Variants in EYS observed in about 807,000 individuals in gnomAD.
The protein encoded by EYS is EGF-like photoreceptor maintenance factor.
EYS carries 250 observed loss-of-function variants against 282.1 expected under a neutral mutation model. The ratio of observed to expected loss-of-function variants is 0.89; its 90% CI spans 0.80 to 0.98. The LOEUF (loss-of-function observed/expected upper bound fraction) is 0.98. EYS is among the 50% of genes least tolerant of loss of function. The pLI, the probability that EYS is intolerant of heterozygous loss-of-function variation, is 0.00. For missense variants in EYS, 4,016 were observed against 3,709.0 expected, an observed-to-expected ratio of 1.08 and a Z score of -2.15; for synonymous variants, 1,355 against 1,282.9, an observed-to-expected ratio of 1.06 and a Z score of -1.20.
chr6:65,114,362 AAAAGC>A (rs57602200), intron 12 of EYS, among the ~76,000 whole-genome samples: 37,495 of 148,572 alleles, frequency 0.25, 5,931 homozygotes, highest in African/African-American at 0.43. Flanking sequence ...TGAAAAAAAA[AAAAGC>A]AGCAGCAGCA....
intron 13 of EYS, among the ~76,000 whole-genome samples, chr6:65,010,898 G>A (rs956328421): frequency 6.6e-6 from 1 of 152,178 alleles, no homozygotes; most frequent in Admixed American, 6.5e-5. Context: ...TAAAGAGGTG[G>A]CTGTCTTACA....
At chr6:65,493,283 G>C (rs1766116447) in intron 4 of EYS, among the ~76,000 whole-genome samples, 1 of 152,122 alleles carries the variant, frequency 6.6e-6, no homozygotes, top group African/African-American at 2.4e-5. Context: ...AGGCACAGGG[G>C]AGAAGGAATC....
intron 39 of EYS, among the ~76,000 whole-genome samples, chr6:63,783,931 T>C (rs776693581): frequency 1.3e-4 from 20 of 152,098 alleles, no homozygotes; most frequent in Non-Finnish European, 8.8e-5. Context: ...ATAAACTGGG[T>C]AAAGCAGATT....
At chr6:64,934,135 T>C (rs878893947) in intron 15 of EYS, among the ~76,000 whole-genome samples, 7 of 144,524 alleles carry the variant, frequency 4.8e-5, no homozygotes, top group African/African-American at 1.5e-4. Flanking sequence ...TAAAGTATAT[T>C]AAAAAAAAAA....
intron 13 of EYS, among the ~76,000 whole-genome samples, chr6:65,025,395 A>G (rs1772377650): frequency 6.6e-6 from 1 of 152,250 alleles, no homozygotes. Flanking sequence ...AATGGATTTT[A>G]GTGAATGTAT....
intron 28 of EYS, among the ~76,000 whole-genome samples, chr6:64,404,539 A>G (rs1773646161): frequency 1.3e-5 from 2 of 152,186 alleles, no homozygotes. Flanking sequence ...TATTTCTCAG[A>G]TAGGTATTTT....
At chr6:63,806,714 C>G (rs1254671053) in intron 36 of EYS, 1 of 162,854 alleles carries the variant, frequency 6.1e-6, no homozygotes, top group Admixed American at 6.4e-5. Context: ...TACTCAGGTG[C>G]CTCGTAAACA....
intron 12 of EYS, among the ~76,000 whole-genome samples, chr6:65,193,681 A>T (rs967206906): frequency 1.3e-5 from 2 of 151,662 alleles, no homozygotes; most frequent in Non-Finnish European, 2.9e-5. Flanking sequence ...TTCGTAAGGA[A>T]CAAAAATCTC....
At chr6:65,668,045 A>T (rs1012113786) in intron 1 of EYS, among the ~76,000 whole-genome samples, 2 of 151,820 alleles carry the variant, frequency 1.3e-5, no homozygotes, top group Non-Finnish European at 3.0e-5. Context: ...CACAAAGCCA[A>T]TTCATCATGA....
At chr6:65,318,711 C>T (rs28602178) in intron 11 of EYS, among the ~76,000 whole-genome samples, 1 of 134,334 alleles carries the variant, frequency 7.4e-6, no homozygotes, top group East Asian at 2.4e-4. Context: ...GCACGATCTC[C>T]ACTCATTGCA....
intron 29 of EYS, among the ~76,000 whole-genome samples, chr6:64,334,097 C>T (rs1396717023): frequency 6.6e-6 from 1 of 152,126 alleles, no homozygotes; most frequent in Non-Finnish European, 1.5e-5. Flanking sequence ...TTTGAAGAAT[C>T]CAAGAACATA....
chr6:63,857,939 A>C (rs146680492), intron 36 of EYS, among the ~76,000 whole-genome samples: 2,946 of 152,214 alleles, frequency 0.019, 36 homozygotes, highest in Non-Finnish European at 0.033. Flanking sequence ...GCAGAACACC[A>C]TTGGCTAGAT....
intron 31 of EYS, among the ~76,000 whole-genome samples, chr6:64,180,336 C>T (rs1764753692): frequency 1.3e-5 from 2 of 152,190 alleles, no homozygotes; most frequent in South Asian, 4.1e-4. Flanking sequence ...ACACCTAAAG[C>T]CAAAGTTATT....
intron 36 of EYS, among the ~76,000 whole-genome samples, chr6:63,854,075 A>G (rs1772328493): frequency 6.6e-6 from 1 of 152,180 alleles, no homozygotes; most frequent in Admixed American, 6.5e-5. Flanking sequence ...AACTAGAAAT[A>G]CCACTTGACC....
chr6:64,813,625 A>T (rs1265713358), intron 21 of EYS, 48 bp from the exon 22 acceptor site: 1 of 1,128,422 alleles, frequency 8.9e-7, no homozygotes, highest in South Asian at 2.1e-5. Flanking sequence ...TATAAGGTTG[A>T]CCATTTTAAT....
intron 31 of EYS, among the ~76,000 whole-genome samples, chr6:64,182,114 A>T (rs1204072614): frequency 6.6e-6 from 1 of 152,196 alleles, no homozygotes; most frequent in Non-Finnish European, 1.5e-5. Flanking sequence ...TGAAATAAAA[A>T]AATTGCTTTT....
intron 26 of EYS, among the ~76,000 whole-genome samples, chr6:64,562,392 G>T (rs934741633): frequency 4.6e-5 from 7 of 151,740 alleles, no homozygotes; most frequent in African/African-American, 1.7e-4. Flanking sequence ...TTAAATAGAA[G>T]CTTAGAGGAA....
chr6:64,511,112 A>T (rs1261205450), intron 26 of EYS, among the ~76,000 whole-genome samples: 2 of 81,780 alleles, frequency 2.4e-5, no homozygotes, highest in African/African-American at 3.4e-5. Context: ...CTTTATAAAT[A>T]AAAAAAATCA....
At chr6:65,155,511 A>AGAT (rs1764711410) in intron 12 of EYS, among the ~76,000 whole-genome samples, 4 of 151,674 alleles carry the variant, frequency 2.6e-5, no homozygotes, top group Admixed American at 6.6e-5. Flanking sequence ...GGGAGTTTGT[A>AGAT]GATTAAATGA....
Sources: gnomAD v4.1 joint callset for allele counts (sites outside exome capture counted in the v4.1 genomes callset) on GRCh38, gnomAD v4.1.1 for gene constraint, MANE v1.5 for transcripts, NCBI Gene and HGNC (gene_info 2026-07-23, HGNC 2026-07-21) for gene names.